SHISA6: variants seen among roughly 807,000 people sequenced by gnomAD.
The protein encoded by SHISA6 is protein shisa-6.
A neutral mutation model predicts 47.9 loss-of-function variants in SHISA6; 22 were observed. That is an observed-to-expected ratio of 0.46 (90% CI 0.33 to 0.66). The LOEUF (loss-of-function observed/expected upper bound fraction) is 0.66, where lower values mean the gene tolerates loss of function less well. SHISA6 is among the 30% of genes least tolerant of loss of function. The pLI, the probability that SHISA6 is intolerant of heterozygous loss-of-function variation, is 0.02. For synonymous variants in SHISA6, 388 were observed against 337.8 expected, an observed-to-expected ratio of 1.15 and a Z score of -1.63; for missense variants, 680 against 764.6, an observed-to-expected ratio of 0.89 and a Z score of 1.30.
intron 2 of SHISA6, among the ~76,000 whole-genome samples, chr17:11,376,746 C>G (rs1396608302): frequency 1.3e-5 from 2 of 152,132 alleles, no homozygotes; most frequent in Non-Finnish European, 2.9e-5. Flanking sequence ...AGAAGACTGA[C>G]CTATCACTGG....
At chr17:11,413,046 C>T (rs1914177345) in intron 3 of SHISA6, among the ~76,000 whole-genome samples, 1 of 152,220 alleles carries the variant, frequency 6.6e-6, no homozygotes, top group South Asian at 2.1e-4. Context: ...ACTCCTCACA[C>T]ACTTCCCAAC....
At chr17:11,496,508 G>A (rs1334942196) in intron 3 of SHISA6, among the ~76,000 whole-genome samples, 1 of 152,184 alleles carries the variant, frequency 6.6e-6, no homozygotes, top group Non-Finnish European at 1.5e-5. Flanking sequence ...GGGAGGCTGA[G>A]GCGGGTGAAT....
chr17:11,350,069 G>T (rs1911819094), intron 2 of SHISA6, among the ~76,000 whole-genome samples: 1 of 150,964 alleles, frequency 6.6e-6, no homozygotes, highest in Admixed American at 6.6e-5. Flanking sequence ...CTTTTTTTTT[G>T]TTGAACCCGC....
chr17:11,288,021 A>G (rs776115722), intron 2 of SHISA6, among the ~76,000 whole-genome samples: 1 of 152,146 alleles, frequency 6.6e-6, no homozygotes, highest in Non-Finnish European at 1.5e-5. Flanking sequence ...TAGCCCCACC[A>G]TAACTCCCCA....
chr17:11,380,948 A>G (rs530088482), intron 3 of SHISA6, among the ~76,000 whole-genome samples: 1 of 152,312 alleles, frequency 6.6e-6, no homozygotes, highest in South Asian at 2.1e-4. Context: ...GTGGGTAATC[A>G]GAGAAGGAGA....
At chr17:11,455,946 G>T (rs1312865318) in intron 3 of SHISA6, among the ~76,000 whole-genome samples, 2 of 152,142 alleles carry the variant, frequency 1.3e-5, no homozygotes, top group Admixed American at 6.5e-5. Context: ...GTGCGTGAAG[G>T]ATTGAGGTTT....
intron 3 of SHISA6, among the ~76,000 whole-genome samples, chr17:11,426,743 T>C (rs909220293): frequency 2.0e-5 from 3 of 152,238 alleles, no homozygotes; most frequent in South Asian, 4.1e-4. Context: ...ATTTGTTGGA[T>C]GCGACTCTCA....
At chr17:11,267,131 A>G (rs184073604) in intron 2 of SHISA6, among the ~76,000 whole-genome samples, 1 of 152,226 alleles carries the variant, frequency 6.6e-6, no homozygotes, top group African/African-American at 2.4e-5. Context: ...TTTTACCCCA[A>G]CTCTTCCAGG....
chr17:11,334,208 G>A (rs930832604), intron 2 of SHISA6, among the ~76,000 whole-genome samples: 1 of 152,190 alleles, frequency 6.6e-6, no homozygotes, highest in African/African-American at 2.4e-5. Flanking sequence ...CAGTCTCTTG[G>A]GACTGAGCCT....
intron 3 of SHISA6, among the ~76,000 whole-genome samples, chr17:11,489,385 C>T (rs1006055621): frequency 1.3e-5 from 2 of 152,192 alleles, no homozygotes; most frequent in Non-Finnish European, 2.9e-5. Context: ...TCCATCAACA[C>T]TTAACATTAA....
intron 2 of SHISA6, among the ~76,000 whole-genome samples, chr17:11,351,609 T>C (rs532781649): frequency 6.6e-6 from 1 of 152,376 alleles, no homozygotes; most frequent in African/African-American, 2.4e-5. Context: ...CACATTTCAT[T>C]ACAGTTGTTT....
intron 2 of SHISA6, among the ~76,000 whole-genome samples, chr17:11,355,603 C>T (rs143483308): frequency 2.0e-5 from 3 of 152,268 alleles, no homozygotes; most frequent in African/African-American, 7.2e-5. Context: ...AAAACAACTG[C>T]CAAAAATATA....
chr17:11,364,660 A>C (rs1423512768), intron 2 of SHISA6, among the ~76,000 whole-genome samples: 1 of 152,242 alleles, frequency 6.6e-6, no homozygotes, highest in Non-Finnish European at 1.5e-5. Flanking sequence ...GCTGCAATAA[A>C]TATTCTTGCA....
chr17:11,527,114 T>C (rs749542396), intron 3 of SHISA6, among the ~76,000 whole-genome samples: 25 of 151,970 alleles, frequency 1.6e-4, no homozygotes, highest in Non-Finnish European at 3.1e-4. Context: ...TGGACATTTT[T>C]CCCAAAGAAT....
intron 3 of SHISA6, among the ~76,000 whole-genome samples, chr17:11,410,947 C>A (rs916306481): frequency 2.0e-5 from 3 of 152,062 alleles, no homozygotes; most frequent in Non-Finnish European, 4.4e-5. Context: ...AAACTCAATT[C>A]TGTCTATTTT....
intron 2 of SHISA6, among the ~76,000 whole-genome samples, chr17:11,355,649 C>A (rs934398095): frequency 2.6e-5 from 4 of 152,222 alleles, no homozygotes; most frequent in African/African-American, 9.6e-5. Context: ...CTCTGCTTTT[C>A]TTCATTCTTC....
rs1913189145 is a variant in SHISA6 at position 11,386,188 on chromosome 17, C to T, written c.895+6679C>T. Among the ~76,000 whole-genome samples, 3 of 152,092 alleles carry T rather than the reference C, an allele frequency of 2.0e-5. No homozygotes were observed. In the South Asian group the frequency reaches 6.2e-4, roughly 32 times the overall value. ...GTCAAGAGTTCAAGACCAGTCTGAC[C>T]AACATGGCGAAACCCCGTCTCTACT... On this transcript the variant is annotated intron_variant, in intron 3 of 5. Coordinates refer to ENST00000441885, the MANE Select transcript of SHISA6 (RefSeq NM_207386.4).
intron 3 of SHISA6, among the ~76,000 whole-genome samples, chr17:11,534,354 T>C (rs1245745913): frequency 6.6e-6 from 1 of 152,090 alleles, no homozygotes; most frequent in Non-Finnish European, 1.5e-5. Context: ...GCACCTACTA[T>C]GAGCAAGTTG....
In SHISA6 at chr17:11,537,028, C is replaced by T. The variant is rs150479384; in HGVS notation, c.896-14868C>T. Among the ~76,000 whole-genome samples the T allele has an allele frequency of 7.2e-4, 110 of 152,126 alleles. 2 individuals carry two copies. The highest frequency in any genetic ancestry group is 4.2e-3 in the South Asian group (20 of 4,802). Reference sequence around the variant, plus strand: ...TCTCCCAAGAAGACCTAAAGTTTGTCTTTTTAAGTGAATCTGGCAGAAGAC... The same window carrying T: ...TCTCCCAAGAAGACCTAAAGTTTGTTTTTTTAAGTGAATCTGGCAGAAGAC... On this transcript the variant is annotated intron_variant, in intron 3 of 5. Coordinates refer to ENST00000441885, the MANE Select transcript of SHISA6 (RefSeq NM_207386.4).
Sources: gnomAD v4.1 joint callset for allele counts (sites outside exome capture counted in the v4.1 genomes callset) on GRCh38, gnomAD v4.1.1 for gene constraint, MANE v1.5 for transcripts, NCBI Gene and HGNC (gene_info 2026-07-23, HGNC 2026-07-21) for gene names.